Variants in CNTNAP5 observed in about 807,000 individuals in gnomAD.
CNTNAP5 encodes contactin-associated protein-like 5.
A neutral mutation model predicts 150.2 loss-of-function variants in CNTNAP5; 72 were observed. The observed-to-expected ratio is 0.48, with a 90% CI of 0.40 to 0.58. The LOEUF (loss-of-function observed/expected upper bound fraction) is 0.58, where lower values mean the gene tolerates loss of function less well. Ranked by LOEUF, CNTNAP5 falls within the 20% of genes least tolerant of loss-of-function variation. The pLI is 0.00. For missense variants in CNTNAP5, 1,636 were observed against 1,626.2 expected, an observed-to-expected ratio of 1.01 and a Z score of -0.10; for synonymous variants, 672 against 619.8, an observed-to-expected ratio of 1.08 and a Z score of -1.25.
chr2:124,655,936 AG>A (rs1478959104), intron 13 of CNTNAP5, among the ~76,000 whole-genome samples: 14 of 101,542 alleles, frequency 1.4e-4, no homozygotes, highest in African/African-American at 3.1e-4. Context: ...AGAGAGAGAG[AG>A]AGAGAGAGAG....
intron 14 of CNTNAP5, among the ~76,000 whole-genome samples, chr2:124,757,672 C>T (rs142731494): frequency 6.6e-6 from 1 of 152,094 alleles, no homozygotes; most frequent in Non-Finnish European, 1.5e-5. Context: ...ATTTTCCTAG[C>T]GTTATTCTCA....
At chr2:124,460,533 C>T (rs574603516) in intron 6 of CNTNAP5, among the ~76,000 whole-genome samples, 73 of 152,248 alleles carry the variant, frequency 4.8e-4, no homozygotes, top group African/African-American at 1.7e-3. Context: ...AATTTAAGCT[C>T]ATCATAAAGG....
chr2:124,708,381 C>G (rs13007184), intron 13 of CNTNAP5, among the ~76,000 whole-genome samples: 1 of 152,024 alleles, frequency 6.6e-6, no homozygotes, highest in Non-Finnish European at 1.5e-5. Context: ...GGAGCTCAAT[C>G]ATTGGTAGTT....
intron 10 of CNTNAP5, among the ~76,000 whole-genome samples, chr2:124,538,602 G>A (rs1695302090): frequency 2.1e-5 from 3 of 145,738 alleles, no homozygotes; most frequent in Admixed American, 1.4e-4. Flanking sequence ...AGAAAGGAAG[G>A]AAGAAAGAAA....
chr2:124,232,383 T>C (rs894703846), intron 2 of CNTNAP5, among the ~76,000 whole-genome samples: 2 of 152,194 alleles, frequency 1.3e-5, no homozygotes, highest in African/African-American at 4.8e-5. Context: ...AGGAGTCTAC[T>C]GGATATGTTG....
intron 6 of CNTNAP5, among the ~76,000 whole-genome samples, chr2:124,472,780 T>C (rs1693546976): frequency 2.6e-5 from 4 of 151,836 alleles, no homozygotes; most frequent in Non-Finnish European, 4.4e-5. Context: ...TATGCCTCAA[T>C]TTAAAGATAT....
intron 11 of CNTNAP5, among the ~76,000 whole-genome samples, chr2:124,573,467 A>T (rs183177530): frequency 6.6e-6 from 1 of 152,242 alleles, no homozygotes; most frequent in Admixed American, 6.5e-5. Flanking sequence ...AAATGTAATC[A>T]CAAGTTTTAG....
rs201240274 is a variant in CNTNAP5, at chr2:124,609,850, C to T, written c.1806C>T (p.Ala602=). 3.3e-3 allele frequency: 5,250 copies of T among 1,613,976 alleles called. 17 individuals carry two copies. The highest frequency in any genetic ancestry group is 4.0e-3 in the Non-Finnish European group (4,705 of 1,179,856). The change falls in exon 12 of 24, where the codon GCC becomes GCT. Residue 602 remains alanine, a synonymous_variant. Transcript: ENST00000682447. ...CEVYRHQGNT[A]GFFYIDSDGS... The stretch of plus-strand genomic sequence containing the variant: ...TGTACAGGCACCAGGGGAATACAGC[C>T]GGCTTCTTCTACATCGACTCAGATG...
In CNTNAP5 at chr2:124,248,476, A is replaced by T. The variant is rs551677989; in HGVS notation, c.381+6083A>T. 2.0e-4 allele frequency among the ~76,000 whole-genome samples: 30 copies of T among 152,286 alleles called. No homozygotes were observed. In the South Asian group the frequency reaches 6.0e-3, roughly 30 times the overall value. ...TTTTGCTGATTTTAGATGATCTTATAACTGGATAGAGCTCTGCAGAAAAGG... is the reference window on the plus strand; with the variant it reads ...TTTTGCTGATTTTAGATGATCTTATTACTGGATAGAGCTCTGCAGAAAAGG... On this transcript the variant is annotated intron_variant, in intron 3 of 23. Coordinates refer to ENST00000682447, the MANE Select transcript of CNTNAP5 (RefSeq NM_001367498.1).
intron 1 of CNTNAP5, among the ~76,000 whole-genome samples, chr2:124,040,489 T>G (rs999638827): frequency 9.9e-5 from 15 of 152,198 alleles, no homozygotes; most frequent in Non-Finnish European, 1.9e-4. Context: ...ATTCGTCGTT[T>G]TCAGATAACC....
intron 11 of CNTNAP5, among the ~76,000 whole-genome samples, chr2:124,572,960 G>A (rs549000955): frequency 2.0e-5 from 3 of 152,050 alleles, no homozygotes; most frequent in African/African-American, 7.2e-5. Context: ...GTTTTTCCTT[G>A]CAAACTGCCA....
chr2:124,530,049 C>T (rs528623452), intron 10 of CNTNAP5, among the ~76,000 whole-genome samples: 19 of 152,290 alleles, frequency 1.2e-4, no homozygotes, highest in Admixed American at 8.5e-4. Flanking sequence ...CGGTTGCTCA[C>T]GTCTGCAATT....
At chr2:124,131,960 C>A (rs1164271521) in intron 1 of CNTNAP5, among the ~76,000 whole-genome samples, 2 of 152,120 alleles carry the variant, frequency 1.3e-5, no homozygotes, top group Admixed American at 1.3e-4. Context: ...AAACCAAGGG[C>A]TTCGTCCTCT....
chr2:124,119,555 C>T (rs1460721765), intron 1 of CNTNAP5, among the ~76,000 whole-genome samples: 2 of 152,026 alleles, frequency 1.3e-5, no homozygotes, highest in Non-Finnish European at 2.9e-5. Context: ...AATTTTTGAG[C>T]AAAACGAGCT....
intron 13 of CNTNAP5, among the ~76,000 whole-genome samples, chr2:124,723,512 G>T (rs1680092246): frequency 6.6e-6 from 1 of 152,118 alleles, no homozygotes. Flanking sequence ...CACATTTTTA[G>T]GTATTTGTTA....
chr2:124,130,114 C>T (rs1194105675), intron 1 of CNTNAP5, among the ~76,000 whole-genome samples: 6 of 152,154 alleles, frequency 3.9e-5, no homozygotes, highest in Non-Finnish European at 7.4e-5. Flanking sequence ...TCACCATTGA[C>T]AAGGATTTGC....
intron 19 of CNTNAP5, among the ~76,000 whole-genome samples, chr2:124,803,996 C>A (rs1682028927): frequency 6.6e-6 from 1 of 152,206 alleles, no homozygotes; most frequent in East Asian, 1.9e-4. Context: ...ATTATTTTGA[C>A]AGCATAACTA....
chr2:124,482,471 AT>A (rs796854208), intron 7 of CNTNAP5, among the ~76,000 whole-genome samples: 8 of 152,080 alleles, frequency 5.3e-5, no homozygotes, highest in African/African-American at 1.2e-4. Context: ...TTAGGCATTT[AT>A]TTTTTTTAGG....
At chr2:124,683,420 G>T (rs1679115540) in intron 13 of CNTNAP5, among the ~76,000 whole-genome samples, 1 of 152,038 alleles carries the variant, frequency 6.6e-6, no homozygotes, top group African/African-American at 2.4e-5. Flanking sequence ...GGGGAGAAAA[G>T]GTGGTATTTG....
Sources: allele counts gnomAD v4.1 joint callset (sites outside exome capture counted in the v4.1 genomes callset), GRCh38; gene constraint gnomAD v4.1.1; transcripts MANE v1.5; gene names NCBI Gene and HGNC (gene_info 2026-07-23, HGNC 2026-07-21).